The following CENPM variants were observed in gnomAD, a reference collection of about 807,000 sequenced individuals.
The protein encoded by CENPM is interphase centromere complex protein 39.
A neutral mutation model predicts 19.6 loss-of-function variants in CENPM; 14 were observed. The ratio of observed to expected loss-of-function variants is 0.71; its 90% confidence interval spans 0.47 to 1.11. The LOEUF (loss-of-function observed/expected upper bound fraction) is 1.11, where lower values mean the gene tolerates loss of function less well. Ranked by LOEUF, CENPM falls within the 50% of genes most tolerant of loss-of-function variation. The pLI is 0.00. For synonymous variants in CENPM, 114 were observed against 101.5 expected (o/e 1.12, Z -0.74); for missense variants, 239 against 228.4 (o/e 1.05, Z -0.30).
chr22:41,945,460 T>C (rs1048396109), intron 3 of CENPM, 156 bp from the exon 4 acceptor site: 9 of 1,428,032 alleles, frequency 6.3e-6, no homozygotes, highest in Middle Eastern at 4.6e-4. Flanking sequence ...TTTTTTTTTT[T>C]TTTTTTTTTA....
the CENPM span, among the ~76,000 whole-genome samples, chr22:41,933,458 A>G: frequency 6.6e-6 from 1 of 151,970 alleles, no homozygotes; most frequent in Non-Finnish European, 1.5e-5. Flanking sequence ...GGGCCTGGCC[A>G]GCTCGCAGGG....
chr22:41,930,770 T>C, the CENPM span, among the ~76,000 whole-genome samples: 5 of 151,966 alleles, frequency 3.3e-5, no homozygotes, highest in African/African-American at 1.2e-4. Context: ...TCTGCCCACT[T>C]TGGCCTCCCA....
chr22:41,946,529 C>T, intron 1 of CENPM, 33 bp from the exon 2 acceptor site: 2 of 1,588,018 alleles, frequency 1.3e-6, no homozygotes, highest in East Asian at 2.2e-5. Flanking sequence ...CAGTCGAGCC[C>T]TAGGCACAGC....
chr22:41,945,281 A>AGGGACTCCTCTGTGTTCT lies in CENPM; in HGVS notation c.236_253dup (p.Gln79_Ser84dup), dbSNP rs1383189728. On this transcript the variant is annotated inframe_insertion, in exon 4 of 6. Coordinates refer to ENST00000215980, the MANE Select transcript of CENPM (RefSeq NM_024053.5). ...GAAGAAGCTGGCATCCACATGGCGC[A>AGGGACTCCTCTGTGTTCT]GGGACTCCTCTGTGTTCTGGAGACT... 6.2e-7 allele frequency: 1 copy of AGGGACTCCTCTGTGTTCT among 1,613,990 alleles called. No individual in the cohort carries two copies. The highest frequency in any genetic ancestry group is 8.5e-7 in the Non-Finnish European group (1 of 1,180,002).
the CENPM span, among the ~76,000 whole-genome samples, chr22:41,931,631 A>G: frequency 1.3e-5 from 2 of 152,250 alleles, no homozygotes; most frequent in African/African-American, 4.8e-5. Context: ...AGATGAGAAA[A>G]CAGAGGCTTT....
the CENPM span, among the ~76,000 whole-genome samples, chr22:41,930,000 G>A: frequency 3.1e-4 from 42 of 136,260 alleles, 1 homozygote; most frequent in Admixed American, 1.5e-3. Flanking sequence ...CTGGAGTGCA[G>A]TGGCGCAATC....
the CENPM span, among the ~76,000 whole-genome samples, chr22:41,930,570 A>G: frequency 1.1e-4 from 17 of 151,572 alleles, no homozygotes; most frequent in African/African-American, 4.1e-4. Flanking sequence ...CAGCAGTGCG[A>G]TAAGCAACAC....
chr22:41,946,281 T>A, intron 2 of CENPM, 136 bp downstream of exon 2: 1 of 768,660 alleles, frequency 1.3e-6, no homozygotes, highest in Non-Finnish European at 2.2e-6. Context: ...GGCATGGGAC[T>A]AGCCAGCTAC....
chr22:41,927,414 T>C, the CENPM span, among the ~76,000 whole-genome samples: 1 of 152,084 alleles, frequency 6.6e-6, no homozygotes, highest in East Asian at 1.9e-4. Flanking sequence ...AGCCTCTCCA[T>C]GACCCCGAGT....
chr22:41,928,673 GGCA>G, the CENPM span, among the ~76,000 whole-genome samples: 1 of 152,178 alleles, frequency 6.6e-6, no homozygotes, highest in African/African-American at 2.4e-5. The surrounding 1 kb of genome is among the most constrained non-coding windows in gnomAD (Gnocchi z 4.0). Context: ...TCTGGGGGCA[GGCA>G]TGGCCACTGC....
downstream of CENPM, among the ~76,000 whole-genome samples, chr22:41,935,138 G>A (rs757481100): frequency 2.6e-4 from 40 of 152,264 alleles, no homozygotes; most frequent in Non-Finnish European, 5.1e-4. Context: ...GCTGGCGGCA[G>A]TGACAGCACT....
At chr22:41,940,506 C>A (rs1222303987) in intron 5 of CENPM, among the ~76,000 whole-genome samples, 1 of 152,146 alleles carries the variant, frequency 6.6e-6, no homozygotes, top group Non-Finnish European at 1.5e-5. Context: ...GTGCTTCAGC[C>A]CCCTGAGTAG....
rs750042043 is a variant in CENPM at position 41,939,207 on chromosome 22, A to G, written c.403-11T>C. On this transcript the variant is annotated splice_polypyrimidine_tract_variant and intron_variant, in intron 5 of 5. Coordinates refer to ENST00000215980, the MANE Select transcript of CENPM (RefSeq NM_024053.5). Reference sequence around the variant, plus strand: ...CCTAAAGCCTTCCACCTGCGGGGAGAGCAGAGAACAGCAGTGAGATAGAAT... The same window carrying G: ...CCTAAAGCCTTCCACCTGCGGGGAGGGCAGAGAACAGCAGTGAGATAGAAT... 6.9e-6 allele frequency: 11 copies of G among 1,602,380 alleles called. No individual in the cohort carries two copies. Among genetic ancestry groups the G allele is most frequent in the Non-Finnish European group, 9.4e-6 (11 of 1,174,446 alleles).
At chr22:41,930,386 T>C in the CENPM span, among the ~76,000 whole-genome samples, 2 of 151,650 alleles carry the variant, frequency 1.3e-5, no homozygotes, top group African/African-American at 2.4e-5. Context: ...CGGGCCACCA[T>C]GCCTGGCTAA....
rs1163433545 is a variant in CENPM, at chr22:41,938,969, C to G, written c.*87G>C. On this transcript the variant is annotated 3_prime_UTR_variant, in exon 6 of 6. Transcript: ENST00000215980. Reference sequence around the variant, plus strand: ...CACGGCGGGCTGAGCCTGGGCCTGTCAAGCCCTGACTGGACATCCTCAACA... The same window carrying G: ...CACGGCGGGCTGAGCCTGGGCCTGTGAAGCCCTGACTGGACATCCTCAACA... 5 of 1,536,152 alleles carry G rather than the reference C, an allele frequency of 3.3e-6. No homozygotes were observed. The East Asian group carries it at 1.1e-4, about 35-fold the overall frequency.
At chr22:41,939,245 C>T (rs779588272) in intron 5 of CENPM, 49 bp from the exon 6 acceptor site, 17 of 1,548,530 alleles carry the variant, frequency 1.1e-5, no homozygotes, top group East Asian at 7.1e-5. Flanking sequence ...TGGCCCTGCT[C>T]CCTTACCCAG....
the CENPM span, among the ~76,000 whole-genome samples, chr22:41,927,571 C>T: frequency 6.8e-6 from 1 of 146,810 alleles, no homozygotes; most frequent in African/African-American, 2.5e-5. Flanking sequence ...GCAATCTCGG[C>T]TCACTGCAAC....
chr22:41,944,435 CAAA>C (rs139232803), intron 4 of CENPM, among the ~76,000 whole-genome samples: 1 of 70,246 alleles, frequency 1.4e-5, no homozygotes, highest in Non-Finnish European at 2.9e-5. Context: ...GACTCCGTCT[CAAA>C]AAAAAAAAAA....
rs761142735 is a variant in CENPM, at chr22:41,939,204, G to A, written c.403-8C>T. Reference sequence around the variant, plus strand: ...GGCCCTAAAGCCTTCCACCTGCGGGGAGAGCAGAGAACAGCAGTGAGATAG... The same window carrying A: ...GGCCCTAAAGCCTTCCACCTGCGGGAAGAGCAGAGAACAGCAGTGAGATAG... On this transcript the variant is annotated splice_region_variant and splice_polypyrimidine_tract_variant and intron_variant, in intron 5 of 5. Coordinates refer to ENST00000215980, the MANE Select transcript of CENPM (RefSeq NM_024053.5). 6.2e-6 allele frequency: 10 copies of A among 1,606,776 alleles called. No homozygotes were observed. Among genetic ancestry groups the A allele is most frequent in the Non-Finnish European group, 8.5e-6 (10 of 1,177,110 alleles).
Sources: allele counts gnomAD v4.1 joint callset (sites outside exome capture counted in the v4.1 genomes callset), GRCh38; gene constraint gnomAD v4.1.1; non-coding constraint Gnocchi (gnomAD v3.1); transcripts MANE v1.5; gene names NCBI Gene and HGNC (gene_info 2026-07-23, HGNC 2026-07-21).